The following MEI4 variants were observed in gnomAD, a reference collection of about 807,000 sequenced individuals.
The protein encoded by MEI4 is meiosis-specific protein MEI4.
A neutral mutation model predicts 31.4 loss-of-function variants in MEI4; 27 were observed. The observed-to-expected ratio is 0.86, with a 90% confidence interval of 0.63 to 1.19. The LOEUF is 1.19. Among genes scored for constraint, MEI4 ranks in the 50% most tolerant of loss-of-function variants. The pLI is 0.00. For synonymous variants in MEI4, 122 were observed against 145.4 expected, an observed-to-expected ratio of 0.84 and a Z score of 1.16; for missense variants, 329 against 398.9, an observed-to-expected ratio of 0.82 and a Z score of 1.49.
intron 2 of MEI4, among the ~76,000 whole-genome samples, chr6:77,704,337 T>A (rs1766286536): frequency 6.6e-6 from 1 of 152,250 alleles, no homozygotes; most frequent in African/African-American, 2.4e-5. Flanking sequence ...ATTCTTGAAT[T>A]TCTTTCCTTG....
intron 4 of MEI4, among the ~76,000 whole-genome samples, chr6:77,875,999 C>T (rs1383121976): frequency 6.6e-6 from 1 of 152,076 alleles, no homozygotes; most frequent in Non-Finnish European, 1.5e-5. Flanking sequence ...ACTGACTTCT[C>T]CAAGGTCACA....
chr6:77,803,846 G>T (rs1454043902), intron 3 of MEI4, among the ~76,000 whole-genome samples: 1 of 152,108 alleles, frequency 6.6e-6, no homozygotes, highest in East Asian at 1.9e-4. Context: ...TTGTCTCAGA[G>T]GAGTACCCAG....
intron 3 of MEI4, among the ~76,000 whole-genome samples, chr6:77,787,648 CAA>C (rs1240656543): frequency 1.3e-5 from 2 of 152,066 alleles, no homozygotes; most frequent in African/African-American, 2.4e-5. Flanking sequence ...ACACAGGTGA[CAA>C]AGAATTAAGC....
chr6:77,694,230 C>T lies in MEI4; in HGVS notation c.232+3327C>T, dbSNP rs142886754. Among the ~76,000 whole-genome samples, 282 of 151,406 alleles carry T rather than the reference C, an allele frequency of 1.9e-3. 1 individual carries two copies. Among genetic ancestry groups the T allele is most frequent in the African/African-American group, 6.5e-3 (268 of 41,342 alleles). ...ATGTAACTGGGTGCCTGGGCAGCCG[C>T]GTTTCTTTTTCTTTTTATTATTTAT... is the stretch of plus-strand genomic sequence containing the variant. On this transcript the variant is annotated intron_variant, in intron 2 of 4. Transcript: ENST00000684080.
chr6:77,660,528 G>A (rs1285523113), intron 1 of MEI4, among the ~76,000 whole-genome samples: 1 of 151,932 alleles, frequency 6.6e-6, no homozygotes, highest in Non-Finnish European at 1.5e-5. Context: ...TGACCGGACA[G>A]AAGATAGTAG....
chr6:77,799,846 T>A (rs1769196976), intron 3 of MEI4, among the ~76,000 whole-genome samples: 1 of 152,142 alleles, frequency 6.6e-6, no homozygotes, highest in Non-Finnish European at 1.5e-5. Context: ...CTGGTTCCAT[T>A]CGTCTATATC....
intron 3 of MEI4, among the ~76,000 whole-genome samples, chr6:77,809,373 A>G (rs1340635392): frequency 1.3e-5 from 2 of 152,226 alleles, no homozygotes; most frequent in African/African-American, 4.8e-5. Context: ...TTGGGGTAGT[A>G]GGAGAAATGC....
rs528056246 is a variant in MEI4, at chr6:77,866,723, C to G, written c.900+37661C>G. ...ACTTTCTTCACAGAATTGGAAAAAA[C>G]TAAAGTTCATATGGAACCAAAAAAG... On this transcript the variant is annotated intron_variant, in intron 4 of 4. Transcript: ENST00000684080. Among the ~76,000 whole-genome samples the G allele has an allele frequency of 2.5e-4, 38 of 149,026 alleles. No individual in the cohort carries two copies. In the South Asian group the frequency reaches 3.1e-3, roughly 12 times the overall value.
chr6:77,918,309 T>G (rs1462442092), intron 4 of MEI4, among the ~76,000 whole-genome samples: 8 of 146,726 alleles, frequency 5.5e-5, no homozygotes, highest in Admixed American at 4.1e-4. Flanking sequence ...GTGAAGAAAG[T>G]CATTGGTAGC....
At chr6:77,671,054 G>GTTTTTTTTTT (rs35429284) in intron 1 of MEI4, among the ~76,000 whole-genome samples, 1 of 110,446 alleles carries the variant, frequency 9.1e-6, no homozygotes, top group Non-Finnish European at 1.9e-5. Context: ...GTGAATTGTT[G>GTTTTTTTTTT]TTTTTTTTTT....
chr6:77,737,944 ATAG>A, intron 2 of MEI4, among the ~76,000 whole-genome samples: 1 of 152,308 alleles, frequency 6.6e-6, no homozygotes, highest in African/African-American at 2.4e-5. Context: ...TCATATTGAG[ATAG>A]TAGCAAGGAA....
chr6:77,778,429 G>T (rs1768511264), intron 3 of MEI4, among the ~76,000 whole-genome samples: 1 of 152,102 alleles, frequency 6.6e-6, no homozygotes, highest in South Asian at 2.1e-4. Context: ...GGCTAGGTGT[G>T]GTGGCTCATG....
At chr6:77,810,431 C>T (rs1047067030) in intron 3 of MEI4, among the ~76,000 whole-genome samples, 5 of 151,972 alleles carry the variant, frequency 3.3e-5, no homozygotes, top group Non-Finnish European at 5.9e-5. Flanking sequence ...AGCTGCTGTC[C>T]GGAAAAAGCG....
chr6:77,916,199 A>G lies in MEI4; in HGVS notation c.901-6890A>G, dbSNP rs143257998. Reference sequence around the variant, plus strand: ...TCTTTGTATTGTCTATCTGTGTTCTATCTCACTGAGCTTTTTTTAAAATTG... The same window carrying G: ...TCTTTGTATTGTCTATCTGTGTTCTGTCTCACTGAGCTTTTTTTAAAATTG... On this transcript the variant is annotated intron_variant, in intron 4 of 4. Transcript: ENST00000684080. Among the ~76,000 whole-genome samples, 213 of 152,032 alleles carry G rather than the reference A, an allele frequency of 1.4e-3. 1 individual carries two copies. Among genetic ancestry groups the G allele is most frequent in the African/African-American group, 4.5e-3 (186 of 41,494 alleles).
chr6:77,655,828 C>T (rs961542423), intron 1 of MEI4, among the ~76,000 whole-genome samples: 8 of 151,980 alleles, frequency 5.3e-5, no homozygotes, highest in African/African-American at 1.4e-4. Flanking sequence ...TTGGACATTT[C>T]GCTCTGTTCT....
At chr6:77,871,142 A>G (rs1771180213) in intron 4 of MEI4, among the ~76,000 whole-genome samples, 1 of 152,142 alleles carries the variant, frequency 6.6e-6, no homozygotes, top group Non-Finnish European at 1.5e-5. Context: ...AGACCATTTC[A>G]GTTCCTCACA....
intron 2 of MEI4, among the ~76,000 whole-genome samples, chr6:77,712,919 C>T (rs904687466): frequency 4.7e-5 from 7 of 149,870 alleles, no homozygotes; most frequent in Admixed American, 6.7e-5. Context: ...TGCAGTGAGC[C>T]GAGATAGGGC....
intron 4 of MEI4, among the ~76,000 whole-genome samples, chr6:77,868,458 T>G (rs1050922971): frequency 8.0e-6 from 1 of 124,728 alleles, no homozygotes; most frequent in Admixed American, 9.5e-5. Flanking sequence ...ATCAACAGTA[T>G]CCATATTTAA....
chr6:77,651,648 T>A (rs564133842), upstream of MEI4, among the ~76,000 whole-genome samples: 2 of 152,334 alleles, frequency 1.3e-5, no homozygotes, highest in African/African-American at 4.8e-5. Flanking sequence ...TGTGAGTTGC[T>A]ATCCATTATT....
Sources: gnomAD v4.1 joint callset for allele counts (sites outside exome capture counted in the v4.1 genomes callset) on GRCh38, gnomAD v4.1.1 for gene constraint, MANE v1.5 for transcripts, NCBI Gene and HGNC (gene_info 2026-07-23, HGNC 2026-07-21) for gene names.